The following NSMCE2 variants were observed in gnomAD, a reference collection of about 807,000 sequenced individuals.
NSMCE2 encodes NSE2 SUMO ligase component of SMC5/6 complex, also known as E3 SUMO-protein ligase NSE2.
NSMCE2 carries 24 observed loss-of-function variants against 23.8 expected under a neutral mutation model. The observed-to-expected ratio is 1.01, with a 90% confidence interval of 0.73 to 1.42. NSMCE2 has a LOEUF of 1.42. Ranked by LOEUF, NSMCE2 falls within the 40% of genes most tolerant of loss-of-function variation. NSMCE2 has a pLI of 0.00. For synonymous variants in NSMCE2, 92 were observed against 94.1 expected, an observed-to-expected ratio of 0.98 and a Z score of 0.13; for missense variants, 284 against 296.5, an observed-to-expected ratio of 0.96 and a Z score of 0.31.
At chr8:125,284,461 C>T (rs1287691694) in intron 5 of NSMCE2, among the ~76,000 whole-genome samples, 1 of 151,604 alleles carries the variant, frequency 6.6e-6, no homozygotes, top group East Asian at 1.9e-4. Flanking sequence ...GGAAACAGAA[C>T]CAGAGAGGTT....
intron 5 of NSMCE2, among the ~76,000 whole-genome samples, chr8:125,203,984 AT>A (rs1823999377): frequency 6.6e-6 from 1 of 152,284 alleles, no homozygotes; most frequent in South Asian, 2.1e-4. Context: ...TGTAATTTAC[AT>A]TTGGCTAGAA....
At chr8:125,205,347 G>A (rs1303324802) in intron 5 of NSMCE2, among the ~76,000 whole-genome samples, 1 of 152,186 alleles carries the variant, frequency 6.6e-6, no homozygotes. Flanking sequence ...TTTTATGGTG[G>A]CTTTGAAATA....
intron 5 of NSMCE2, among the ~76,000 whole-genome samples, chr8:125,273,863 G>A (rs1295702613): frequency 1.3e-5 from 2 of 152,182 alleles, no homozygotes; most frequent in Non-Finnish European, 2.9e-5. Flanking sequence ...TAGAGTCCCA[G>A]GATCACACAA....
At chr8:125,186,934 C>T (rs1823134119) in intron 5 of NSMCE2, among the ~76,000 whole-genome samples, 1 of 152,196 alleles carries the variant, frequency 6.6e-6, no homozygotes, top group Non-Finnish European at 1.5e-5. Flanking sequence ...ATAGATATTA[C>T]TAGGCATTAG....
chr8:125,366,278 C>T (rs1813787445), intron 7 of NSMCE2, among the ~76,000 whole-genome samples: 1 of 152,180 alleles, frequency 6.6e-6, no homozygotes. Flanking sequence ...CGGTGGCTCA[C>T]GCCGGTAATC....
intron 5 of NSMCE2, among the ~76,000 whole-genome samples, chr8:125,236,456 A>G (rs1479940443): frequency 2.0e-5 from 3 of 152,236 alleles, no homozygotes; most frequent in African/African-American, 4.8e-5. Flanking sequence ...GTCTTAATAT[A>G]TACATTTTAC....
At chr8:125,175,369 A>C (rs1381630539) in intron 4 of NSMCE2, among the ~76,000 whole-genome samples, 1 of 152,186 alleles carries the variant, frequency 6.6e-6, no homozygotes, top group Non-Finnish European at 1.5e-5. Context: ...ACCTTAGATC[A>C]CTATGAATTA....
chr8:125,195,879 C>CTTTTTTTTTTTTTTTTTTT (rs34687223), intron 5 of NSMCE2, among the ~76,000 whole-genome samples: 1 of 83,626 alleles, frequency 1.2e-5, no homozygotes, highest in Non-Finnish European at 2.1e-5. Flanking sequence ...TCCTGAATAA[C>CTTTTTTTTTTTTTTTTTTT]TTTTTTTTTT....
chr8:125,207,653 C>A (rs1824166668), intron 5 of NSMCE2, among the ~76,000 whole-genome samples: 1 of 152,110 alleles, frequency 6.6e-6, no homozygotes, highest in Non-Finnish European at 1.5e-5. Context: ...TTAAAATAAC[C>A]ATTTATTTGG....
intron 5 of NSMCE2, among the ~76,000 whole-genome samples, chr8:125,298,232 C>T (rs1828407479): frequency 6.6e-6 from 1 of 152,190 alleles, no homozygotes; most frequent in African/African-American, 2.4e-5. Flanking sequence ...TGCACTCCAG[C>T]CTGGGTGACA....
intron 3 of NSMCE2, among the ~76,000 whole-genome samples, chr8:125,133,350 C>T (rs1013635560): frequency 1.3e-5 from 2 of 152,124 alleles, no homozygotes; most frequent in Admixed American, 1.3e-4. Flanking sequence ...GGTTTTCTAG[C>T]TTAATGAAAG....
intron 5 of NSMCE2, among the ~76,000 whole-genome samples, chr8:125,193,072 A>G (rs973879534): frequency 1.3e-5 from 2 of 152,120 alleles, no homozygotes; most frequent in Non-Finnish European, 2.9e-5. Flanking sequence ...ATTCAATGAA[A>G]TATTTTGCAA....
intron 5 of NSMCE2, among the ~76,000 whole-genome samples, chr8:125,277,784 G>C (rs1827529606): frequency 6.6e-6 from 1 of 152,178 alleles, no homozygotes; most frequent in Non-Finnish European, 1.5e-5. Context: ...AGAGTGCTGG[G>C]ATTACAGGCG....
At chr8:125,331,709 C>T (rs961555284) in intron 5 of NSMCE2, among the ~76,000 whole-genome samples, 109 of 152,264 alleles carry the variant, frequency 7.2e-4, no homozygotes, top group Admixed American at 3.4e-3. Flanking sequence ...TATTTCACTG[C>T]TTCAGAACCC....
chr8:125,126,268 A>G lies in NSMCE2; in HGVS notation c.157+23781A>G, dbSNP rs114989247. ...GCATGGTGGTGGGTGCCTACTAAGG[A>G]GGCCGAGGCAGGAGAATCACTTCAA... On this transcript the variant is annotated intron_variant, in intron 3 of 7. Coordinates refer to ENST00000287437, the MANE Select transcript of NSMCE2 (RefSeq NM_173685.4). 4.1e-3 allele frequency among the ~76,000 whole-genome samples: 628 copies of G among 151,714 alleles called. 8 individuals are homozygous for G. The highest frequency in any genetic ancestry group is 0.014 in the African/African-American group (599 of 41,344).
chr8:125,363,789 A>G (rs1563807670), intron 7 of NSMCE2, among the ~76,000 whole-genome samples: 1 of 152,192 alleles, frequency 6.6e-6, no homozygotes, highest in Non-Finnish European at 1.5e-5. Context: ...AAACTAGTGT[A>G]AAACATTTCT....
intron 5 of NSMCE2, among the ~76,000 whole-genome samples, chr8:125,355,227 A>T (rs980945506): frequency 6.6e-6 from 1 of 152,228 alleles, no homozygotes; most frequent in Admixed American, 6.5e-5. Context: ...ACCGAAAGGT[A>T]TGCCACACCA....
chr8:125,318,801 T>C (rs1246268208), intron 5 of NSMCE2, among the ~76,000 whole-genome samples: 1 of 152,114 alleles, frequency 6.6e-6, no homozygotes, highest in African/African-American at 2.4e-5. Flanking sequence ...CAGCTTACTA[T>C]TGAGAGAGTT....
At chr8:125,261,115 G>A (rs1826673743) in intron 5 of NSMCE2, among the ~76,000 whole-genome samples, 1 of 152,198 alleles carries the variant, frequency 6.6e-6, no homozygotes, top group Admixed American at 6.5e-5. Context: ...ATCAACCAAA[G>A]TACTCCATAG....
Sources: gnomAD v4.1 joint callset for allele counts (sites outside exome capture counted in the v4.1 genomes callset) on GRCh38, gnomAD v4.1.1 for gene constraint, MANE v1.5 for transcripts, NCBI Gene and HGNC (gene_info 2026-07-23, HGNC 2026-07-21) for gene names.